Variants in ARHGAP35 observed in about 807,000 individuals in gnomAD.
ARHGAP35 encodes Rho GTPase activating protein 35.
In ARHGAP35, 15 loss-of-function variants were observed where a neutral mutation model predicts 111.1. The observed-to-expected ratio is 0.13, with a 90% CI of 0.09 to 0.21. The LOEUF (loss-of-function observed/expected upper bound fraction) is 0.21. ARHGAP35 is among the 10% of genes least tolerant of loss of function. The pLI is 1.00. For missense variants in ARHGAP35, 1,262 were observed against 1,873.0 expected (o/e 0.67, Z 6.02); for synonymous variants, 643 against 710.3 (o/e 0.91, Z 1.51).
At chr19:46,865,716 T>C (rs1317908538) in intron 1 of ARHGAP35, among the ~76,000 whole-genome samples, 1 of 152,252 alleles carries the variant, frequency 6.6e-6, no homozygotes, top group Non-Finnish European at 1.5e-5. Context: ...TCTGGTCTGC[T>C]TCCCAACTTT....
In ARHGAP35 at chr19:46,921,875, A is replaced by G; in HGVS notation, c.3200A>G (p.Gln1067Arg). 2 of 1,614,030 alleles carry G rather than the reference A, an allele frequency of 1.2e-6. No homozygotes were observed. Among genetic ancestry groups the G allele is most frequent in the East Asian group, 2.2e-5 (1 of 44,886 alleles). ...TTAGACCAAGGCCATAGGGATGGAC[A>G]GAGGAAGTCTGTGTCTTCTAGCCCC... ...SYLDQGHRDG[Q>R]RKSVSSSPWL... The change falls in exon 2 of 7, where the codon CAG becomes CGG. Residue 1067 changes from glutamine (Q) to arginine (R), a missense_variant. Physicochemically the swap from Gln to Arg is conservative, Grantham distance 43. Transcript: ENST00000672722. The surrounding 1 kb of genome is among the most constrained non-coding windows in gnomAD (Gnocchi z 4.3).
In ARHGAP35 at chr19:47,000,576, C is replaced by T. The variant is rs1323183498; in HGVS notation, c.4388C>T (p.Thr1463Ile). The T allele has an allele frequency of 1.9e-6, 3 of 1,613,552 alleles. No homozygotes were observed. In the Admixed American group the frequency reaches 5.0e-5, roughly 27 times the overall value. The change falls in exon 7 of 7, where the codon ACT becomes ATT. Residue 1463 changes from threonine (T) to isoleucine (I), a missense_variant. By Grantham distance (89) the Thr-to-Ile change is moderately conservative. Transcript: ENST00000672722. This position sits in a 1 kb window ranked among gnomAD's most constrained non-coding sequence, Gnocchi z 6.9. ...GTGGCTTCCACCGTCCCCTTCCTCA[C>T]TTCCACGCCTGTCACAAGTCAGCCG... ...SAVASTVPFL[T>I]STPVTSQPSP...
At chr19:46,880,318 G>A (rs544052864) in intron 1 of ARHGAP35, among the ~76,000 whole-genome samples, 18 of 151,970 alleles carry the variant, frequency 1.2e-4, no homozygotes, top group Non-Finnish European at 2.4e-4. Flanking sequence ...TGTAATCCCA[G>A]CTACTCGGGA....
chr19:46,879,615 TAAA>T (rs1160406494), intron 1 of ARHGAP35, among the ~76,000 whole-genome samples: 1 of 147,396 alleles, frequency 6.8e-6, no homozygotes, highest in African/African-American at 2.5e-5. Flanking sequence ...AATAAATAAA[TAAA>T]AATAAAAATA....
chr19:46,950,260 C>T (rs549239174), intron 3 of ARHGAP35, among the ~76,000 whole-genome samples: 4 of 152,276 alleles, frequency 2.6e-5, no homozygotes, highest in South Asian at 2.1e-4. Flanking sequence ...GTAAATGGTT[C>T]GTTCTCATTG....
At chr19:46,968,230 C>G (rs556907535) in intron 3 of ARHGAP35, among the ~76,000 whole-genome samples, 1 of 152,308 alleles carries the variant, frequency 6.6e-6, no homozygotes, top group Admixed American at 6.5e-5. Context: ...AGGTCTTGAG[C>G]AAGGTGGCAG....
chr19:46,980,665 G>A (rs10164289), intron 3 of ARHGAP35, among the ~76,000 whole-genome samples: 2,650 of 152,328 alleles, frequency 0.017, 91 homozygotes, highest in African/African-American at 0.059. Context: ...TGTTAAGAGT[G>A]TAGAGAAAAA....
At chr19:46,937,078 G>T (rs1191998391) in intron 2 of ARHGAP35, among the ~76,000 whole-genome samples, 186 bp from the exon 3 acceptor site, 1 of 152,076 alleles carries the variant, frequency 6.6e-6, no homozygotes, top group Non-Finnish European at 1.5e-5. Flanking sequence ...GACCTGAGGT[G>T]ATCCACCCGC....
chr19:46,906,282 G>C lies in ARHGAP35; in HGVS notation c.-188-12206G>C, dbSNP rs1023062975. Among the ~76,000 whole-genome samples, 5 of 152,132 alleles carry C rather than the reference G, an allele frequency of 3.3e-5. No individual in the cohort carries two copies. The South Asian group carries it at 1.0e-3, about 32-fold the overall frequency. On this transcript the variant is annotated intron_variant, in intron 1 of 6. Transcript: ENST00000672722. ...CATGATTGTGCCACTGTACTCCAGC[G>C]TGGGTGACAGAGTGAGACCCTGTCT... is the stretch of plus-strand genomic sequence containing the variant.
chr19:46,916,704 A>G (rs2056166339), intron 1 of ARHGAP35, among the ~76,000 whole-genome samples: 1 of 147,254 alleles, frequency 6.8e-6, no homozygotes, highest in African/African-American at 2.5e-5. Flanking sequence ...GGAATATCCT[A>G]TATGCTTTAC....
At chr19:46,912,583 C>A (rs2056143250) in intron 1 of ARHGAP35, among the ~76,000 whole-genome samples, 1 of 151,576 alleles carries the variant, frequency 6.6e-6, no homozygotes. Context: ...GTCTTGATCT[C>A]CTGACTTCGT....
At chr19:46,874,810 C>CTTT (rs537873271) in intron 1 of ARHGAP35, among the ~76,000 whole-genome samples, 2 of 88,204 alleles carry the variant, frequency 2.3e-5, no homozygotes, top group African/African-American at 9.6e-5. Context: ...CAGTTTTGTC[C>CTTT]TTTTTTTTTT....
rs1599812898 is a variant in ARHGAP35, at chr19:46,912,646, G to A, written c.-188-5842G>A. On this transcript the variant is annotated intron_variant, in intron 1 of 6. Transcript: ENST00000672722. ...GTTGCGATTACAGGCATGAGCCACT[G>A]CTCCTGGTCGTGTTCTCTTCTTATT... 2.6e-5 allele frequency among the ~76,000 whole-genome samples: 4 copies of A among 152,284 alleles called. 1 individual carries two copies. Among genetic ancestry groups the A allele is most frequent in the Admixed American group, 2.6e-4 (4 of 15,294 alleles).
chr19:46,929,483 A>G (rs1438823699), intron 2 of ARHGAP35, among the ~76,000 whole-genome samples: 1 of 151,364 alleles, frequency 6.6e-6, no homozygotes, highest in African/African-American at 2.4e-5. Flanking sequence ...TTGGCAAGCC[A>G]TGGGTGTGAC....
rs1224896746 is a variant in ARHGAP35, at chr19:46,986,864, TG to T, written c.3827-1124del. On this transcript the variant is annotated intron_variant, in intron 3 of 6. Coordinates refer to ENST00000672722, the MANE Select transcript of ARHGAP35 (RefSeq NM_004491.5). This position sits in a 1 kb window ranked among gnomAD's most constrained non-coding sequence, Gnocchi z 4.3. ...TTATTTTCAGACAGAGTTTTGCTCT[TG>T]TTGCCCAGGCTGGAGTGCAGTGGCA... 1.3e-5 allele frequency among the ~76,000 whole-genome samples: 2 copies of T among 152,250 alleles called. No individual in the cohort carries two copies. Among genetic ancestry groups the T allele is most frequent in the Non-Finnish European group, 2.9e-5 (2 of 68,044 alleles).
chr19:46,967,787 A>C (rs1297577781), intron 3 of ARHGAP35, among the ~76,000 whole-genome samples: 3 of 152,122 alleles, frequency 2.0e-5, no homozygotes, highest in African/African-American at 7.2e-5. Context: ...AGCTGCCATT[A>C]TATTTCTCAC....
At chr19:46,888,288 ATATATATATATATATATATATAT>A (rs1198402540) in intron 1 of ARHGAP35, among the ~76,000 whole-genome samples, 18 of 59,294 alleles carry the variant, frequency 3.0e-4, no homozygotes, top group Non-Finnish European at 4.0e-4. Context: ...ATATATATAT[ATATATATATATATATATATATAT>A]ATATATAAAA....
At chr19:46,998,304 C>T (rs2056726327) in intron 5 of ARHGAP35, among the ~76,000 whole-genome samples, 1 of 152,178 alleles carries the variant, frequency 6.6e-6, no homozygotes, top group South Asian at 2.1e-4. Flanking sequence ...CCCACAGCCG[C>T]CAGCTGTGAG....
At position 46,989,251 on chromosome 19, in the gene ARHGAP35, C is replaced by A; in HGVS notation, c.3905-293C>A. The A allele has an allele frequency of 3.3e-6, 1 of 303,388 alleles. No individual in the cohort carries two copies. The highest frequency in any genetic ancestry group is 4.0e-5 in the Admixed American group (1 of 24,980). The allele number at this position is 303,388 out of a possible 1,614,324, so 18.8% of individuals were successfully genotyped here. A position where few individuals can be genotyped will look rare whatever the true frequency, so the allele number is the denominator to read the frequency against. ...GGAAGAGGCAACAGCATATCAAAGC[C>A]AGATGAAGGCAAGCTCCTGGCACCA... On this transcript the variant is annotated intron_variant, in intron 4 of 6. Coordinates refer to ENST00000672722, the MANE Select transcript of ARHGAP35 (RefSeq NM_004491.5). This position sits in a 1 kb window ranked among gnomAD's most constrained non-coding sequence, Gnocchi z 5.3.
Sources: allele counts gnomAD v4.1 joint callset (sites outside exome capture counted in the v4.1 genomes callset), GRCh38; gene constraint gnomAD v4.1.1; non-coding constraint Gnocchi (gnomAD v3.1); transcripts MANE v1.5; gene names NCBI Gene and HGNC (gene_info 2026-07-23, HGNC 2026-07-21).